Variants in CYTH1 observed in about 807,000 individuals in gnomAD.
CYTH1 encodes the protein cytohesin-1.
Under a neutral mutation model 61.8 loss-of-function variants are expected in CYTH1, and 18 were observed. The ratio of observed to expected loss-of-function variants is 0.29; its 90% CI spans 0.20 to 0.43. The LOEUF (loss-of-function observed/expected upper bound fraction) is 0.43, where lower values mean the gene tolerates loss of function less well. Ranked by LOEUF, CYTH1 falls within the 20% of genes least tolerant of loss-of-function variation. The probability of loss-of-function intolerance (pLI) is 1.00; values close to 1 mark genes in which losing one functional copy is unlikely to be tolerated. For missense variants in CYTH1, 336 were observed against 510.5 expected (o/e 0.66, Z 3.29); for synonymous variants, 174 against 184.3 (o/e 0.94, Z 0.45).
intron 13 of CYTH1, chr17:78,677,110 T>C (rs1170798246): frequency 4.4e-6 from 2 of 455,550 alleles, no homozygotes; most frequent in African/African-American, 2.0e-5. Context: ...CGGGGAATGC[T>C]AGGAACTGAA....
At chr17:78,736,977 G>C (rs183839033) in intron 1 of CYTH1, 1 of 156,594 alleles carries the variant, frequency 6.4e-6, no homozygotes, top group East Asian at 1.9e-4. Flanking sequence ...TCCTGAAGTC[G>C]AGCTCAAGCA....
chr17:78,678,754 C>A (rs1271294625), intron 13 of CYTH1, among the ~76,000 whole-genome samples: 1 of 152,116 alleles, frequency 6.6e-6, no homozygotes, highest in Admixed American at 6.5e-5. Context: ...GGCTGTCATG[C>A]CAGGGAAGCT....
At chr17:78,680,795 G>A (rs995997579) in intron 12 of CYTH1, among the ~76,000 whole-genome samples, 176 bp downstream of exon 12, 1 of 152,168 alleles carries the variant, frequency 6.6e-6, no homozygotes, top group Non-Finnish European at 1.5e-5. Context: ...GCAGACAGAC[G>A]GCACAGGAAG....
At chr17:78,732,409 C>T (rs1395472950) in intron 1 of CYTH1, among the ~76,000 whole-genome samples, 1 of 152,134 alleles carries the variant, frequency 6.6e-6, no homozygotes, top group Non-Finnish European at 1.5e-5. Flanking sequence ...GAATCCAAGC[C>T]CTTGTTTCTA....
intron 1 of CYTH1, among the ~76,000 whole-genome samples, chr17:78,718,212 A>T (rs2093198350): frequency 1.5e-5 from 2 of 132,988 alleles, no homozygotes; most frequent in African/African-American, 6.2e-5. Context: ...TTTCATAAAC[A>T]CTGAATACAC....
At chr17:78,734,407 TACCA>T (rs778565163) in intron 1 of CYTH1, among the ~76,000 whole-genome samples, 2 of 146,140 alleles carry the variant, frequency 1.4e-5, no homozygotes, top group Non-Finnish European at 1.5e-5. Flanking sequence ...TGTACCAATG[TACCA>T]ATGTACCAGG....
intron 1 of CYTH1, among the ~76,000 whole-genome samples, chr17:78,761,381 C>T (rs1341934139): frequency 2.0e-5 from 3 of 152,142 alleles, no homozygotes; most frequent in African/African-American, 4.8e-5. Context: ...ACCTTGGGAA[C>T]GTGATAATAC....
At chr17:78,724,631 T>C (rs9903063) in intron 1 of CYTH1, among the ~76,000 whole-genome samples, 81,844 of 152,076 alleles carry the variant, frequency 0.54, 22,177 homozygotes, top group East Asian at 0.61. Flanking sequence ...GACAAAACTG[T>C]CCTGGTTAAG....
intron 11 of CYTH1, among the ~76,000 whole-genome samples, chr17:78,688,485 G>A (rs1407159088): frequency 6.6e-6 from 1 of 152,144 alleles, no homozygotes; most frequent in Non-Finnish European, 1.5e-5. Context: ...GCCTAGTTAC[G>A]GTGCTGGCCG....
chr17:78,698,690 A>C, intron 8 of CYTH1, 130 bp downstream of exon 8: 1 of 1,157,072 alleles, frequency 8.6e-7, no homozygotes, highest in Admixed American at 2.7e-5. Flanking sequence ...AATGAAATTC[A>C]CATGGTTAAA....
chr17:78,780,550 C>A (rs1021669348), intron 1 of CYTH1, among the ~76,000 whole-genome samples: 6 of 151,970 alleles, frequency 3.9e-5, no homozygotes. Flanking sequence ...AAAAAATGCA[C>A]AAGCTGCTTT....
At chr17:78,751,006 CAG>C (rs1378154053) in intron 1 of CYTH1, among the ~76,000 whole-genome samples, 3 of 152,130 alleles carry the variant, frequency 2.0e-5, no homozygotes, top group African/African-American at 7.2e-5. Flanking sequence ...TTGTTTAAGA[CAG>C]GGTCTCACTC....
At chr17:78,757,405 G>A (rs1470451223) in intron 1 of CYTH1, among the ~76,000 whole-genome samples, 3 of 152,058 alleles carry the variant, frequency 2.0e-5, no homozygotes, top group African/African-American at 7.2e-5. Context: ...TAAGGTACCT[G>A]AGAACTCTAT....
chr17:78,674,343 G>C lies in CYTH1; in HGVS notation c.*1748C>G, dbSNP rs1021069700. ...GAGAACCAGGCCAGGGCCCGGGCCA[G>C]CTGGACAGGCTCCAGCACCGGCCCA... On this transcript the variant is annotated 3_prime_UTR_variant, in exon 14 of 14. Coordinates refer to ENST00000446868, the MANE Select transcript of CYTH1 (RefSeq NM_004762.6). 1.3e-5 allele frequency: 2 copies of C among 152,324 alleles called. No homozygotes were observed. The highest frequency in any genetic ancestry group is 4.8e-5 in the African/African-American group (2 of 41,458). The allele number at this position is 152,324 out of a possible 1,614,324, so 9.4% of individuals were successfully genotyped here.
intron 1 of CYTH1, among the ~76,000 whole-genome samples, chr17:78,772,097 G>C (rs2093473655): frequency 1.3e-5 from 2 of 152,264 alleles, no homozygotes; most frequent in South Asian, 4.1e-4. Flanking sequence ...AATAATTAGA[G>C]ACAATCAAGT....
chr17:78,738,566 T>C (rs1428090395), intron 1 of CYTH1, among the ~76,000 whole-genome samples: 1 of 152,110 alleles, frequency 6.6e-6, no homozygotes, highest in Non-Finnish European at 1.5e-5. Context: ...GGGCAAAGAC[T>C]TCATCACATT....
chr17:78,696,486 T>A (rs558361924), intron 9 of CYTH1, among the ~76,000 whole-genome samples: 2 of 152,368 alleles, frequency 1.3e-5, no homozygotes, highest in East Asian at 3.9e-4. Context: ...TACACATTCT[T>A]ATGGCTATAT....
intron 1 of CYTH1, among the ~76,000 whole-genome samples, chr17:78,764,662 T>C (rs1324166624): frequency 1.3e-5 from 2 of 152,106 alleles, no homozygotes; most frequent in African/African-American, 4.8e-5. Context: ...GAGGGATCTA[T>C]TTTAACTGCA....
intron 8 of CYTH1, 118 bp from the exon 9 acceptor site, chr17:78,698,498 T>A: frequency 3.7e-6 from 3 of 806,574 alleles, no homozygotes; most frequent in Non-Finnish European, 6.1e-6. Context: ...GCCTGCTAGA[T>A]GCTGAGACTA....
Sources: gnomAD v4.1 joint callset for allele counts (sites outside exome capture counted in the v4.1 genomes callset) on GRCh38, gnomAD v4.1.1 for gene constraint, MANE v1.5 for transcripts, NCBI Gene and HGNC (gene_info 2026-07-23, HGNC 2026-07-21) for gene names.